ATP11A: variants seen among roughly 807,000 people sequenced by gnomAD.
The protein encoded by ATP11A is phospholipid-transporting ATPase IH.
A neutral mutation model predicts 154.4 loss-of-function variants in ATP11A; 81 were observed. The observed-to-expected ratio is 0.52, with a 90% CI of 0.44 to 0.63. The LOEUF (loss-of-function observed/expected upper bound fraction) is 0.63. ATP11A is among the 30% of genes least tolerant of loss of function. ATP11A has a pLI of 0.00. For synonymous variants in ATP11A, 623 were observed against 585.9 expected (o/e 1.06, Z -0.91); for missense variants, 1,316 against 1,474.3 (o/e 0.89, Z 1.76).
At chr13:112,755,755 G>A (rs2076809706) in intron 1 of ATP11A, among the ~76,000 whole-genome samples, 1 of 150,714 alleles carries the variant, frequency 6.6e-6, no homozygotes, top group Non-Finnish European at 1.5e-5. Context: ...GCGGCACTCA[G>A]AGCGGCTCCC....
chr13:112,852,019 CA>C (rs2079781903), intron 18 of ATP11A, among the ~76,000 whole-genome samples: 1 of 152,176 alleles, frequency 6.6e-6, no homozygotes, highest in African/African-American at 2.4e-5. Flanking sequence ...TACAGATTTT[CA>C]GGTACCTCTA....
At chr13:112,832,824 C>G (rs373271500) in intron 13 of ATP11A, 36 bp from the exon 14 acceptor site, 46 of 1,599,562 alleles carry the variant, frequency 2.9e-5, no homozygotes, top group Non-Finnish European at 3.8e-5. Context: ...GTGGACGCAC[C>G]GTGATTTGGG....
chr13:112,822,203 G>A (rs1162797680), intron 8 of ATP11A, among the ~76,000 whole-genome samples: 1 of 152,228 alleles, frequency 6.6e-6, no homozygotes, highest in Non-Finnish European at 1.5e-5. Context: ...GTTATCAATA[G>A]CAAAATTTAT....
Position 112,885,297 on chromosome 13 carries a change from CGT to C in ATP11A, c.*3434_*3435del, listed in dbSNP as rs2080957779. 3 of 152,134 alleles carry C rather than the reference CGT, an allele frequency of 2.0e-5. No homozygotes were observed. The South Asian group carries it at 6.2e-4, about 31-fold the overall frequency. The allele number at this position is 152,134 out of a possible 1,614,324, so 9.4% of individuals were successfully genotyped here. A position where few individuals can be genotyped will look rare whatever the true frequency, so the allele number is the denominator to read the frequency against. On this transcript the variant is annotated 3_prime_UTR_variant, in exon 30 of 30. Coordinates refer to ENST00000375645, the MANE Select transcript of ATP11A (RefSeq NM_015205.3). ...GCTCCTACAGGCTTGCTCTCACACA[CGT>C]GTATGCACAGCAGAGAGACGTATGA...
At chr13:112,881,424 G>A in intron 29 of ATP11A, 2 of 1,051,632 alleles carry the variant, frequency 1.9e-6, no homozygotes, top group Non-Finnish European at 2.3e-6. Context: ...TTCGCCTTTT[G>A]TTCAAGGGTC....
At chr13:112,716,093 G>A (rs191360893) in intron 1 of ATP11A, among the ~76,000 whole-genome samples, 60 of 152,026 alleles carry the variant, frequency 3.9e-4, no homozygotes, top group African/African-American at 1.0e-3. Flanking sequence ...ATTCTCAGTG[G>A]AGTTCCCGGT....
intron 1 of ATP11A, among the ~76,000 whole-genome samples, chr13:112,784,824 C>T (rs973730390): frequency 6.6e-6 from 1 of 152,192 alleles, no homozygotes; most frequent in Non-Finnish European, 1.5e-5. Flanking sequence ...CGCCCGGCCG[C>T]GTTCTGTTCT....
Position 112,690,441 on chromosome 13 carries a change from C to G in ATP11A, c.25C>G (p.Leu9Val), listed in dbSNP as rs1885011945. The G allele has an allele frequency of 4.4e-6, 6 of 1,358,200 alleles. No homozygotes were observed. Among genetic ancestry groups the G allele is most frequent in the African/African-American group, 1.5e-5 (1 of 67,420 alleles). The allele number at this position is 1,358,200 out of a possible 1,614,324, so 84.1% of individuals were successfully genotyped here. A position where few individuals can be genotyped will look rare whatever the true frequency, so the allele number is the denominator to read the frequency against. Residue 9 changes from leucine to valine, a missense_variant, in exon 1 of 30, where the codon CTC becomes GTC. Transcript: ENST00000375645. This position sits in a 1 kb window ranked among gnomAD's most constrained non-coding sequence, Gnocchi z 5.6. MDCSLVRT[L>V]VHRYCAGEEN... ...CATGGACTGCAGCCTCGTGCGGACG[C>G]TCGTGCACAGATACGTGAGTGCTCC...
chr13:112,724,443 A>G (rs1407984920), intron 1 of ATP11A, among the ~76,000 whole-genome samples: 1 of 151,822 alleles, frequency 6.6e-6, no homozygotes, highest in Non-Finnish European at 1.5e-5. Flanking sequence ...GGTGGGAGCA[A>G]TGTGATGGGT....
At chr13:112,775,036 G>A (rs922565325) in intron 1 of ATP11A, among the ~76,000 whole-genome samples, 1 of 152,278 alleles carries the variant, frequency 6.6e-6, no homozygotes, top group Non-Finnish European at 1.5e-5. Flanking sequence ...GCTGCAGCGT[G>A]TGCCTCGGAT....
intron 1 of ATP11A, among the ~76,000 whole-genome samples, chr13:112,769,952 T>C (rs1034434925): frequency 2.6e-5 from 4 of 152,166 alleles, no homozygotes. Context: ...CTGTCGAAAA[T>C]GGAGGGTGAA....
Position 112,690,349 on chromosome 13 carries a change from G to C in ATP11A, c.-68G>C. 2 of 1,192,076 alleles carry C rather than the reference G, an allele frequency of 1.7e-6. No individual in the cohort carries two copies. The highest frequency in any genetic ancestry group is 2.1e-6 in the Non-Finnish European group (2 of 954,208). 73.8% of individuals were successfully genotyped at this position (1,192,076 alleles called of 1,614,324 possible). ...GGGGCGCGGCCGCACTAGTACCCCG[G>C]AGCCCATGGGCGCGCCGAGCCGGGC... On this transcript the variant is annotated 5_prime_UTR_variant, in exon 1 of 30. Transcript: ENST00000375645. This position sits in a 1 kb window ranked among gnomAD's most constrained non-coding sequence, Gnocchi z 5.6.
chr13:112,854,018 A>G (rs1378272097), intron 18 of ATP11A, among the ~76,000 whole-genome samples: 1 of 152,202 alleles, frequency 6.6e-6, no homozygotes, highest in Non-Finnish European at 1.5e-5. Flanking sequence ...TCAGTGACAC[A>G]AGACAGCCCT....
At chr13:112,784,273 G>T (rs2077567393) in intron 1 of ATP11A, among the ~76,000 whole-genome samples, 1 of 152,210 alleles carries the variant, frequency 6.6e-6, no homozygotes, top group African/African-American at 2.4e-5. Flanking sequence ...AGGGGCCGCA[G>T]CTCCTGGCTG....
chr13:112,843,995 G>A (rs762423590), intron 17 of ATP11A, among the ~76,000 whole-genome samples: 2 of 152,190 alleles, frequency 1.3e-5, no homozygotes, highest in Admixed American at 6.5e-5. Flanking sequence ...GGTGGGAGCC[G>A]AGCGGGTTCC....
intron 10 of ATP11A, 140 bp from the exon 11 acceptor site, chr13:112,825,290 C>A: frequency 1.1e-6 from 1 of 887,210 alleles, no homozygotes; most frequent in Non-Finnish European, 1.7e-6. Flanking sequence ...GAGGACCCAC[C>A]GTGGTGCGTT....
At chr13:112,734,488 T>G (rs911979578) in intron 1 of ATP11A, among the ~76,000 whole-genome samples, 1 of 152,106 alleles carries the variant, frequency 6.6e-6, no homozygotes, top group Admixed American at 6.5e-5. Flanking sequence ...TGGGCAGAAA[T>G]TGGGTTTCTA....
chr13:112,850,173 G>GA (rs909645750), intron 17 of ATP11A, among the ~76,000 whole-genome samples: 49 of 152,200 alleles, frequency 3.2e-4, no homozygotes, highest in African/African-American at 9.4e-4. Context: ...TCATAGAACG[G>GA]AAAACATTGT....
At chr13:112,711,473 C>G (rs1887742395) in intron 1 of ATP11A, among the ~76,000 whole-genome samples, 2 of 151,660 alleles carry the variant, frequency 1.3e-5, no homozygotes, top group South Asian at 4.2e-4. Context: ...AAAGTTAAAA[C>G]TCAAAGGGGA....
Sources: allele counts gnomAD v4.1 joint callset (sites outside exome capture counted in the v4.1 genomes callset), GRCh38; gene constraint gnomAD v4.1.1; non-coding constraint Gnocchi (gnomAD v3.1); transcripts MANE v1.5; gene names NCBI Gene and HGNC (gene_info 2026-07-23, HGNC 2026-07-21).